NPC2: variants seen among roughly 807,000 people sequenced by gnomAD.
NPC2 encodes the protein NPC intracellular cholesterol transporter 2.
Under a neutral mutation model 17.0 loss-of-function variants are expected in NPC2, and 14 were observed. The ratio of observed to expected loss-of-function variants is 0.82; its 90% CI spans 0.54 to 1.29. The LOEUF is 1.29. Ranked by LOEUF, NPC2 falls within the 50% of genes most tolerant of loss-of-function variation. The pLI is 0.00. For synonymous variants in NPC2, 75 were observed against 69.3 expected (o/e 1.08, Z -0.41); for missense variants, 167 against 183.4 (o/e 0.91, Z 0.52).
intron 2 of NPC2, among the ~76,000 whole-genome samples, chr14:74,485,105 G>A (rs61980863): frequency 0.37 from 56,423 of 151,374 alleles, 11,174 homozygotes; most frequent in South Asian, 0.44. Context: ...GACCAGCCTG[G>A]CCAACATGGA....
intron 4 of NPC2, 96 bp from the exon 5 acceptor site, chr14:74,480,384 A>C (rs2086643539): frequency 5.5e-6 from 6 of 1,083,240 alleles, no homozygotes; most frequent in Middle Eastern, 2.9e-4. Context: ...GACATTCCTA[A>C]GCAACCTCCT....
intron 3 of NPC2, among the ~76,000 whole-genome samples, chr14:74,483,897 T>C (rs192537528): frequency 3.9e-5 from 6 of 152,366 alleles, no homozygotes; most frequent in African/African-American, 9.6e-5. Context: ...TGTAATGATA[T>C]TGATATTGCA....
intron 3 of NPC2, chr14:74,483,419 G>A (rs1443931535): frequency 6.6e-7 from 1 of 1,508,678 alleles, no homozygotes; most frequent in Non-Finnish European, 9.1e-7. Flanking sequence ...CAATGTTAAT[G>A]AAATATTTTA....
intron 2 of NPC2, 116 bp from the exon 3 acceptor site, chr14:74,484,703 A>T: frequency 1.3e-5 from 10 of 771,912 alleles, no homozygotes; most frequent in Admixed American, 2.5e-5. Context: ...TTCTCTTGAT[A>T]GTGGTGCTTG....
At chr14:74,480,425 T>C (rs2086643817) in intron 4 of NPC2, 137 bp from the exon 5 acceptor site, 1 of 836,414 alleles carries the variant, frequency 1.2e-6, no homozygotes, top group Non-Finnish European at 2.1e-6. Flanking sequence ...CCTTCCTTAC[T>C]CCGACAGAAA....
chr14:74,491,449 G>T (rs1023405937), intron 1 of NPC2, among the ~76,000 whole-genome samples: 2 of 152,158 alleles, frequency 1.3e-5, no homozygotes, highest in Non-Finnish European at 2.9e-5. Flanking sequence ...GCAGTAATTT[G>T]AAGCGATAAT....
At chr14:74,486,039 T>A (rs1264026914) in intron 2 of NPC2, among the ~76,000 whole-genome samples, 1 of 152,184 alleles carries the variant, frequency 6.6e-6, no homozygotes, top group Non-Finnish European at 1.5e-5. Context: ...GACATTCCCA[T>A]CATAGCCTAC....
In NPC2 at chr14:74,480,916, C is replaced by T. The variant is rs1322570322; in HGVS notation, c.364-137G>A. On this transcript the variant is annotated intron_variant, in intron 3 of 4. Transcript: ENST00000555619. ...TACTTTTTTTCTTAAATCATGAGGG[C>T]TGCTTAGCATGTGGGCACAGCTTAC... is the stretch of plus-strand genomic sequence containing the variant. 4 of 799,470 alleles carry T rather than the reference C, an allele frequency of 5.0e-6. No individual in the cohort carries two copies. The Admixed American group carries it at 7.0e-5, about 14-fold the overall frequency. The allele number at this position is 799,470 out of a possible 1,614,324, so 49.5% of individuals were successfully genotyped here. A position where few individuals can be genotyped will look rare whatever the true frequency, so the allele number is the denominator to read the frequency against.
chr14:74,486,888 CT>C (rs1440933852), intron 1 of NPC2, among the ~76,000 whole-genome samples: 2 of 151,954 alleles, frequency 1.3e-5, no homozygotes, highest in East Asian at 1.9e-4. Flanking sequence ...CCTATTTTCC[CT>C]TTCTTTTTCT....
chr14:74,481,389 G>A (rs986477974), intron 3 of NPC2, among the ~76,000 whole-genome samples: 23 of 152,228 alleles, frequency 1.5e-4, no homozygotes, highest in Non-Finnish European at 1.8e-4. Context: ...TATGCTTCAG[G>A]TACAGCTTGC....
rs2086796595 is a variant in NPC2 at position 74,493,251 on chromosome 14, G to C, written c.24C>G (p.Phe8Leu). 1.2e-6 allele frequency: 2 copies of C among 1,613,386 alleles called. No individual in the cohort carries two copies. Among genetic ancestry groups the C allele is most frequent in the Non-Finnish European group, 1.7e-6 (2 of 1,179,740 alleles). ...CAGCGGTGCTGAGCGCCAGGAGCAG[G>C]AATGTAGCTGCCAGGAAACGCATCG... is the stretch of plus-strand genomic sequence containing the variant. MRFLAATFLLLALSTAAQ... is the reference protein window; with the variant it reads MRFLAATLLLLALSTAAQ... The change falls in exon 1 of 5, where the codon TTC becomes TTG. Residue 8 changes from phenylalanine to leucine, a missense_variant. Phe to Leu is a conservative substitution (Grantham distance 22). Transcript: ENST00000555619. The surrounding 1 kb of genome is among the most constrained non-coding windows in gnomAD (Gnocchi z 4.1).
At chr14:74,486,875 A>C (rs1713836651) in intron 1 of NPC2, among the ~76,000 whole-genome samples, 1 of 152,138 alleles carries the variant, frequency 6.6e-6, no homozygotes, top group African/African-American at 2.4e-5. Flanking sequence ...GGATGAAAAT[A>C]TTCCTATTTT....
At position 74,493,104 on chromosome 14, in the gene NPC2, G is replaced by C; in HGVS notation, c.82+89C>G. 6.7e-7 allele frequency: 1 copy of C among 1,497,690 alleles called. No homozygotes were observed. Among genetic ancestry groups the C allele is most frequent in the Non-Finnish European group, 9.1e-7 (1 of 1,104,150 alleles). The allele number at this position is 1,497,690 out of a possible 1,614,324, so 92.8% of individuals were successfully genotyped here. On this transcript the variant is annotated intron_variant, in intron 1 of 4. Transcript: ENST00000555619. This position sits in a 1 kb window ranked among gnomAD's most constrained non-coding sequence, Gnocchi z 4.1. ...CTCAGCCTGGCCGCCCGAGGGATCCGCCCAGCCCAGCCCCAGGGGTCTCAG... is the reference window on the plus strand; with the variant it reads ...CTCAGCCTGGCCGCCCGAGGGATCCCCCCAGCCCAGCCCCAGGGGTCTCAG...
chr14:74,480,359 T>A (rs1341158107), intron 4 of NPC2, 71 bp from the exon 5 acceptor site: 1 of 1,324,944 alleles, frequency 7.5e-7, no homozygotes, highest in East Asian at 2.3e-5. Flanking sequence ...GCAATAACCC[T>A]AGGGCAAGTT....
Position 74,484,398 on chromosome 14 carries a change from A to G in NPC2, c.363+17T>C, listed in dbSNP as rs774951647. 1 of 1,613,728 alleles carries G rather than the reference A, an allele frequency of 6.2e-7. No homozygotes were observed. The highest frequency in any genetic ancestry group is 1.7e-5 in the Admixed American group (1 of 60,000). On this transcript the variant is annotated intron_variant, in intron 3 of 4. Coordinates refer to ENST00000555619, the MANE Select transcript of NPC2 (RefSeq NM_006432.5). ...AGTCCCAAGGCCTCCCGTGTCCTCA[A>G]TAATGGTATCACTTACAGAGGGATA...
At chr14:74,488,335 T>C (rs1488056218) in intron 1 of NPC2, among the ~76,000 whole-genome samples, 3 of 152,194 alleles carry the variant, frequency 2.0e-5, no homozygotes, top group African/African-American at 7.2e-5. Flanking sequence ...CACCCCAACT[T>C]GACTTCCTAG....
In NPC2 at chr14:74,480,008, A is replaced by T. The variant is rs1379950988; in HGVS notation, c.*266T>A. ...ATTTCCAGGTGTAGAAAGAGGCCAC[A>T]AGTTAATGTTGTTAAAAAAAAAATT... is the stretch of plus-strand genomic sequence containing the variant. On this transcript the variant is annotated 3_prime_UTR_variant, in exon 5 of 5. Coordinates refer to ENST00000555619, the MANE Select transcript of NPC2 (RefSeq NM_006432.5). 1 of 1,434,164 alleles carries T rather than the reference A, an allele frequency of 7.0e-7. No individual in the cohort carries two copies. The highest frequency in any genetic ancestry group is 9.1e-7 in the Non-Finnish European group (1 of 1,096,420). The allele number at this position is 1,434,164 out of a possible 1,614,324, so 88.8% of individuals were successfully genotyped here.
Position 74,484,484 on chromosome 14 carries a change from G to C in NPC2, c.294C>G (p.Asn98Lys). The change falls in exon 3 of 5, where the codon AAC becomes AAG. Residue 98 changes from asparagine (N) to lysine (K), a missense_variant. Coordinates refer to ENST00000555619, the MANE Select transcript of NPC2 (RefSeq NM_006432.5). ...AGGTCTTGTCTTTTTGGATAGGGCAGTTAATTCCACTCTTACAACCATCAG... is the reference window on the plus strand; with the variant it reads ...AGGTCTTGTCTTTTTGGATAGGGCACTTAATTCCACTCTTACAACCATCAG... ...PEPDGCKSGI[N>K]CPIQKDKTYS... is the part of the protein sequence containing the mutation. 1 of 1,614,098 alleles carries C rather than the reference G, an allele frequency of 6.2e-7. No homozygotes were observed. The highest frequency in any genetic ancestry group is 1.7e-5 in the Admixed American group (1 of 60,010).
rs1477837371 is a variant in NPC2 at position 74,480,547 on chromosome 14, C to G, written c.441+155G>C. ...TACAAAGGCAACAGTTCTGAGCTCT[C>G]AGGAAATAGGGTCTCAGATGCTTTT... On this transcript the variant is annotated intron_variant, in intron 4 of 4. Transcript: ENST00000555619. 5 of 812,234 alleles carry G rather than the reference C, an allele frequency of 6.2e-6. No homozygotes were observed. The Admixed American group carries it at 6.8e-5, about 11-fold the overall frequency. 50.3% of individuals were successfully genotyped at this position (812,234 alleles called of 1,614,324 possible).
Sources: gnomAD v4.1 joint callset for allele counts (sites outside exome capture counted in the v4.1 genomes callset) on GRCh38, gnomAD v4.1.1 for gene constraint, Gnocchi (gnomAD v3.1) non-coding constraint, MANE v1.5 for transcripts, NCBI Gene and HGNC (gene_info 2026-07-23, HGNC 2026-07-21) for gene names.